MME: variants seen among roughly 807,000 people sequenced by gnomAD.
MME encodes membrane metalloendopeptidase.
In MME, 98 loss-of-function variants were observed where a neutral mutation model predicts 113.2. The ratio of observed to expected loss-of-function variants is 0.87; its 90% CI spans 0.74 to 1.02. MME has a LOEUF of 1.02. MME is among the 50% of genes least tolerant of loss of function. MME has a pLI of 0.00. For synonymous variants in MME, 292 were observed against 300.6 expected (o/e 0.97, Z 0.30); for missense variants, 836 against 896.0 (o/e 0.93, Z 0.86).
Position 155,148,672 on chromosome 3 carries a change from C to G in MME, c.1601+19C>G. On this transcript the variant is annotated intron_variant, in intron 16 of 22. Transcript: ENST00000360490. ...AAGATGAGTGCGTATATTCTCATTT[C>G]TAATGTGATCATCTAGAAGCAGGTC... is the stretch of plus-strand genomic sequence containing the variant. 1 of 1,522,938 alleles carries G rather than the reference C, an allele frequency of 6.6e-7. No individual in the cohort carries two copies. Among genetic ancestry groups the G allele is most frequent in the Non-Finnish European group, 9.1e-7 (1 of 1,097,482 alleles). The allele number at this position is 1,522,938 out of a possible 1,614,324, so 94.3% of individuals were successfully genotyped here.
chr3:155,064,810 A>C (rs548572164), intron 1 of MME, among the ~76,000 whole-genome samples: 2 of 152,232 alleles, frequency 1.3e-5, no homozygotes, highest in Non-Finnish European at 2.9e-5. Context: ...ATGTGCTGGC[A>C]GAGCTGTGCT....
At chr3:155,087,557 G>A (rs570070227) in intron 3 of MME, among the ~76,000 whole-genome samples, 3 of 152,116 alleles carry the variant, frequency 2.0e-5, no homozygotes, top group South Asian at 4.2e-4. Flanking sequence ...CTCTCTACCA[G>A]CTACCCTATT....
chr3:155,071,936 T>C lies in MME; in HGVS notation c.-10-12222T>C, dbSNP rs903956429. Among the ~76,000 whole-genome samples, 4 of 149,444 alleles carry C rather than the reference T, an allele frequency of 2.7e-5. No homozygotes were observed. In the South Asian group the frequency reaches 6.4e-4, roughly 24 times the overall value. On this transcript the variant is annotated intron_variant, in intron 1 of 22. Coordinates refer to the MME transcript ENST00000492661. ...CAGCACTTTGGGAGGCCGAGGCGGG[T>C]GGATCATGAGGTCAGGAGATAGAGA...
intron 1 of MME, among the ~76,000 whole-genome samples, chr3:155,054,191 A>G (rs571020725): frequency 6.6e-6 from 1 of 152,198 alleles, no homozygotes; most frequent in African/African-American, 2.4e-5. Context: ...TTCCTATATG[A>G]TGGATTTCAA....
intron 15 of MME, 53 bp from the exon 16 acceptor site, chr3:155,148,497 A>C (rs1362297787): frequency 7.9e-7 from 1 of 1,259,208 alleles, no homozygotes; most frequent in African/African-American, 1.5e-5. Context: ...TTTAGCAAAA[A>C]TTTAGAAGAT....
intron 1 of MME, among the ~76,000 whole-genome samples, chr3:155,049,677 AT>A (rs1713691658): frequency 1.3e-5 from 2 of 150,718 alleles, no homozygotes; most frequent in Non-Finnish European, 3.0e-5. Flanking sequence ...CTATCTATAT[AT>A]AGAGAGAGAA....
At chr3:155,059,256 C>G (rs1714052502) in intron 1 of MME, among the ~76,000 whole-genome samples, 1 of 98,110 alleles carries the variant, frequency 1.0e-5, no homozygotes, top group Non-Finnish European at 1.8e-5. Context: ...AAAATTCTGT[C>G]TCAAAAAAAA....
At chr3:155,037,142 G>C (rs575642657) in intron 1 of MME, among the ~76,000 whole-genome samples, 6 of 152,148 alleles carry the variant, frequency 3.9e-5, no homozygotes, top group Non-Finnish European at 7.3e-5. Context: ...AGCAAGACTT[G>C]CTTTGACCCT....
intron 10 of MME, 69 bp from the exon 11 acceptor site, chr3:155,141,922 A>G (rs946308159): frequency 6.4e-6 from 10 of 1,557,782 alleles, no homozygotes; most frequent in Admixed American, 3.4e-5. Context: ...CCCTCTAACT[A>G]TAACTGAATC....
At position 155,111,866 on chromosome 3, in the gene MME, A is replaced by G. The variant is rs374513796; in HGVS notation, c.197-3128A>G. Among the ~76,000 whole-genome samples the G allele has an allele frequency of 5.5e-4, 84 of 152,244 alleles. 7 individuals are homozygous for G. The East Asian group carries it at 8.1e-3, about 15-fold the overall frequency. ...GTTTTTAAGTATCTTAAAAGAGAAG[A>G]GTTATATATTGCTAAGTGTGTTCTT... On this transcript the variant is annotated intron_variant, in intron 3 of 22. Coordinates refer to ENST00000360490, the MANE Select transcript of MME (RefSeq NM_007289.4).
At chr3:155,166,838 A>G (rs936386216) in intron 17 of MME, 64 bp from the exon 18 acceptor site, 2 of 1,605,634 alleles carry the variant, frequency 1.2e-6, no homozygotes, top group Non-Finnish European at 8.5e-7. Flanking sequence ...GACTGTCTCT[A>G]AGAAAATAAA....
At chr3:155,030,386 C>A (rs983444948) in intron 1 of MME, among the ~76,000 whole-genome samples, 6 of 152,032 alleles carry the variant, frequency 3.9e-5, no homozygotes, top group African/African-American at 1.2e-4. Context: ...CTTAGGTGGT[C>A]TTTTCAACTT....
chr3:155,091,124 A>G (rs1318898813), intron 3 of MME, among the ~76,000 whole-genome samples: 1 of 152,192 alleles, frequency 6.6e-6, no homozygotes, highest in African/African-American at 2.4e-5. Flanking sequence ...AAAGCAGCAG[A>G]CATCTTAGTA....
At chr3:155,146,468 G>C (rs1721525466) in intron 14 of MME, among the ~76,000 whole-genome samples, 1 of 151,994 alleles carries the variant, frequency 6.6e-6, no homozygotes, top group Admixed American at 6.6e-5. Context: ...GGAGATTGCA[G>C]TGAGCCCTGA....
At chr3:155,035,368 T>C (rs1413338087) in intron 1 of MME, among the ~76,000 whole-genome samples, 1 of 150,344 alleles carries the variant, frequency 6.7e-6, no homozygotes, top group East Asian at 1.9e-4. Flanking sequence ...ATGTATTAAG[T>C]GCATCATTCC....
intron 8 of MME, among the ~76,000 whole-genome samples, chr3:155,119,803 C>G (rs1465524356): frequency 8.2e-5 from 10 of 121,982 alleles, no homozygotes; most frequent in African/African-American, 3.1e-4. Flanking sequence ...TTTTCTTAAT[C>G]CAGTCTATCA....
chr3:155,162,320 G>A lies in MME; in HGVS notation c.1660+1872G>A, dbSNP rs532211039. On this transcript the variant is annotated intron_variant, in intron 17 of 22. Coordinates refer to ENST00000360490, the MANE Select transcript of MME (RefSeq NM_007289.4). The stretch of plus-strand genomic sequence containing the variant: ...AATTGGCCCACTTCAGGGATTCCCC[G>A]ATCAGAGAAGAGCTGAAAATATTTT... Among the ~76,000 whole-genome samples the A allele has an allele frequency of 3.3e-5, 5 of 152,200 alleles. No individual in the cohort carries two copies. The South Asian group carries it at 6.2e-4, about 19-fold the overall frequency.
At chr3:155,167,853 A>G (rs1711514096) in intron 18 of MME, among the ~76,000 whole-genome samples, 1 of 152,210 alleles carries the variant, frequency 6.6e-6, no homozygotes, top group Non-Finnish European at 1.5e-5. Flanking sequence ...AAAGATAGGA[A>G]CTGGTAGAAC....
chr3:155,042,206 G>C (rs1409122716), intron 1 of MME, among the ~76,000 whole-genome samples: 1 of 152,114 alleles, frequency 6.6e-6, no homozygotes, highest in African/African-American at 2.4e-5. Flanking sequence ...ACATTGTGTA[G>C]ATTCTGAACA....
Sources: allele counts gnomAD v4.1 joint callset (sites outside exome capture counted in the v4.1 genomes callset), GRCh38; gene constraint gnomAD v4.1.1; transcripts MANE v1.5; gene names NCBI Gene and HGNC (gene_info 2026-07-23, HGNC 2026-07-21).